Variants in RGS2 observed in about 807,000 individuals in gnomAD.
The protein encoded by RGS2 is G0 to G1 switch regulatory 8, 24kD.
RGS2 carries 20 observed loss-of-function variants against 26.6 expected under a neutral mutation model. That is an observed-to-expected ratio of 0.75 (90% CI 0.53 to 1.09). RGS2 has a LOEUF of 1.09. Among genes scored for constraint, RGS2 ranks in the 50% least tolerant of loss-of-function variants. The pLI is 0.00. For missense variants in RGS2, 246 were observed against 245.5 expected, an observed-to-expected ratio of 1.00 and a Z score of -0.01; for synonymous variants, 97 against 79.9, an observed-to-expected ratio of 1.21 and a Z score of -1.14.
chr1:192,809,438 T>C, intron 1 of RGS2: 1 of 503,114 alleles, frequency 2.0e-6, no homozygotes, highest in Non-Finnish European at 3.7e-6. Flanking sequence ...TTTGTCCTCC[T>C]GCATTCAAAA....
chr1:192,810,172 A>G lies in RGS2; in HGVS notation c.117A>G (p.Lys39=). The change falls in exon 2 of 5, where the codon AAA becomes AAG. Residue 39 remains lysine (K), a synonymous_variant. Coordinates refer to ENST00000235382, the MANE Select transcript of RGS2 (RefSeq NM_002923.4). ...TTTTAATTTTTTGTTTTAGTTTAAA[A>G]GATTGGAAGACCCGTTTGAGCTACT... is the stretch of plus-strand genomic sequence containing the variant. ...KREKMKRTLL[K]DWKTRLSYFL... 3 of 1,603,462 alleles carry G rather than the reference A, an allele frequency of 1.9e-6. No homozygotes were observed. Among genetic ancestry groups the G allele is most frequent in the Non-Finnish European group, 2.6e-6 (3 of 1,170,320 alleles).
At chr1:192,809,763 G>A (rs1260022944) in intron 1 of RGS2, among the ~76,000 whole-genome samples, 2 of 152,194 alleles carry the variant, frequency 1.3e-5, no homozygotes, top group African/African-American at 2.4e-5. Flanking sequence ...AGAGAAGCGT[G>A]GGCCGGCTCC....
intron 3 of RGS2, 80 bp from the exon 4 acceptor site, chr1:192,810,901 G>A: frequency 7.5e-7 from 1 of 1,337,614 alleles, no homozygotes; most frequent in East Asian, 2.3e-5. Context: ...ATTAAAATGT[G>A]AGGGATAGGA....
chr1:192,810,470 C>G (rs372850701), intron 3 of RGS2, 39 bp downstream of exon 3: 11 of 1,595,694 alleles, frequency 6.9e-6, no homozygotes, highest in Non-Finnish European at 8.6e-6. Flanking sequence ...GCTAACATCG[C>G]AAAAGCCTGG....
Position 192,811,766 on chromosome 1 carries a change from A to G in RGS2, c.*170A>G. 1.5e-6 allele frequency: 1 copy of G among 689,132 alleles called. No homozygotes were observed. Among genetic ancestry groups the G allele is most frequent in the African/African-American group, 1.8e-5 (1 of 56,386 alleles). The allele number at this position is 689,132 out of a possible 1,614,324, so 42.7% of individuals were successfully genotyped here. A position where few individuals can be genotyped will look rare whatever the true frequency, so the allele number is the denominator to read the frequency against. ...TGAATCAGGAAGCCAGTAACTGACT[A>G]GGAGAAGCTGGTATCAGAACAGCTT... On this transcript the variant is annotated 3_prime_UTR_variant, in exon 5 of 5. Transcript: ENST00000235382.
At chr1:192,810,754 C>A in intron 3 of RGS2, 1 of 617,990 alleles carries the variant, frequency 1.6e-6, no homozygotes, top group South Asian at 2.0e-5. Context: ...ATTTACTTTG[C>A]ATTGACAGCA....
intron 3 of RGS2, 25 bp from the exon 4 acceptor site, chr1:192,810,956 A>G (rs750858569): frequency 6.4e-7 from 1 of 1,570,274 alleles, no homozygotes; most frequent in East Asian, 2.3e-5. Context: ...CACATTCTGC[A>G]TGCTCTCTTT....
chr1:192,809,321 G>A (rs1420172953), intron 1 of RGS2, 140 bp downstream of exon 1: 1 of 707,362 alleles, frequency 1.4e-6, no homozygotes, highest in African/African-American at 1.8e-5. Context: ...AGGTCAATTT[G>A]TTAAGTAAGG....
chr1:192,809,577 A>G, intron 1 of RGS2: 2 of 320,086 alleles, frequency 6.2e-6, no homozygotes, highest in Non-Finnish European at 1.2e-5. Flanking sequence ...TTTAAAATCC[A>G]TTTTTGTTTT....
chr1:192,811,326 A>T, intron 4 of RGS2, 76 bp from the exon 5 acceptor site: 3 of 1,379,234 alleles, frequency 2.2e-6, no homozygotes, highest in Non-Finnish European at 3.1e-6. Context: ...CATAATTTTT[A>T]TTTTTTGTTT....
chr1:192,810,589 A>G, intron 3 of RGS2, 158 bp downstream of exon 3: 1 of 725,506 alleles, frequency 1.4e-6, no homozygotes, highest in South Asian at 1.5e-5. Flanking sequence ...GGGTTTAACA[A>G]ATAAATGCAT....
chr1:192,810,031 TGAA>T, intron 1 of RGS2, 132 bp from the exon 2 acceptor site: 1 of 681,508 alleles, frequency 1.5e-6, no homozygotes, highest in South Asian at 1.6e-5. Flanking sequence ...AAGACTTATT[TGAA>T]GAGTTCTTGC....
At chr1:192,810,607 C>G (rs1665576521) in intron 3 of RGS2, 176 bp downstream of exon 3, 6 of 683,244 alleles carry the variant, frequency 8.8e-6, no homozygotes, top group South Asian at 4.8e-5. Flanking sequence ...CATATATTCT[C>G]TCCAGGTGGG....
At position 192,810,988 on chromosome 1, in the gene RGS2, T is replaced by G; in HGVS notation, c.282T>G (p.Leu94=). 1 of 1,614,122 alleles carries G rather than the reference T, an allele frequency of 6.2e-7. No homozygotes were observed. The change falls in exon 4 of 5, where the codon CTT becomes CTG. Residue 94 remains leucine (L), a synonymous_variant. Coordinates refer to ENST00000235382, the MANE Select transcript of RGS2 (RefSeq NM_002923.4). ...CTTTTCTCCCCCCTTCAGATGGTCT[T>G]GCTGCATTCAGGGCTTTTTTAAAGT... ...FDELLASKYG[L]AAFRAFLKSE... is the part of the protein sequence containing the mutation.
Position 192,810,961 on chromosome 1 carries a change from CT to C in RGS2, c.275-19del. The C allele has an allele frequency of 6.5e-7, 1 of 1,537,360 alleles. No individual in the cohort carries two copies. ...CTCAGTTCTTCACATTCTGCATGCT[CT>C]CTTTTCTCCCCCCTTCAGATGGTCT... On this transcript the variant is annotated intron_variant, in intron 3 of 4. Coordinates refer to ENST00000235382, the MANE Select transcript of RGS2 (RefSeq NM_002923.4).
intron 1 of RGS2, 166 bp downstream of exon 1, chr1:192,809,347 G>A (rs1389337622): frequency 4.0e-5 from 27 of 671,252 alleles, no homozygotes; most frequent in South Asian, 3.7e-4. Flanking sequence ...TCTGGGTGAT[G>A]CTCGGGTACA....
intron 1 of RGS2, chr1:192,809,490 A>G (rs1665551735): frequency 2.4e-6 from 1 of 420,374 alleles, no homozygotes; most frequent in South Asian, 2.1e-5. Context: ...CCCAGCATTC[A>G]TACGTTGCAT....
intron 1 of RGS2, 134 bp downstream of exon 1, chr1:192,809,315 C>A: frequency 1.4e-6 from 1 of 728,064 alleles, no homozygotes; most frequent in South Asian, 1.5e-5. Flanking sequence ...TCGAAAAGGT[C>A]AATTTGTTAA....
At position 192,811,126 on chromosome 1, in the gene RGS2, A is replaced by C; in HGVS notation, c.420A>C (p.Ile140=). Residue 140 remains isoleucine, a synonymous_variant, in exon 4 of 5, where the codon ATA becomes ATC. Coordinates refer to ENST00000235382, the MANE Select transcript of RGS2 (RefSeq NM_002923.4). ...SKARKIYTDF[I]EKEAPKEINI... is the part of the protein sequence containing the mutation. ...CAAGGAAAATATATACTGACTTCAT[A>C]GAAAAGGAAGCTCCAAAAGAGGTAA... 6.2e-7 allele frequency: 1 copy of C among 1,614,198 alleles called. No individual in the cohort carries two copies. The highest frequency in any genetic ancestry group is 1.3e-5 in the African/African-American group (1 of 75,056).
Sources: gnomAD v4.1 joint callset for allele counts (sites outside exome capture counted in the v4.1 genomes callset) on GRCh38, gnomAD v4.1.1 for gene constraint, MANE v1.5 for transcripts, NCBI Gene and HGNC (gene_info 2026-07-23, HGNC 2026-07-21) for gene names.